The following MAST4 variants were observed in gnomAD, a reference collection of about 807,000 sequenced individuals.
The protein encoded by MAST4 is microtubule associated serine/threonine kinase family member 4.
Under a neutral mutation model 162.7 loss-of-function variants are expected in MAST4, and 89 were observed. That is an observed-to-expected ratio of 0.55 (90% CI 0.46 to 0.65). MAST4 has a LOEUF of 0.65. Ranked by LOEUF, MAST4 falls within the 30% of genes least tolerant of loss-of-function variation. The probability of loss-of-function intolerance (pLI) is 0.00; values close to 1 mark genes in which losing one functional copy is unlikely to be tolerated. For synonymous variants in MAST4, 1,479 were observed against 1,361.1 expected (o/e 1.09, Z -1.91); for missense variants, 3,153 against 3,374.0 (o/e 0.93, Z 1.62).
intron 4 of MAST4, among the ~76,000 whole-genome samples, chr5:66,919,583 C>T (rs550359791): frequency 4.0e-5 from 6 of 151,084 alleles, no homozygotes; most frequent in African/African-American, 1.5e-4. Flanking sequence ...ATCGCTTGAA[C>T]CCACGAGGCA....
chr5:67,153,534 C>G lies in MAST4; in HGVS notation c.3602C>G (p.Pro1201Arg), dbSNP rs1169322733. 1.9e-6 allele frequency: 3 copies of G among 1,599,254 alleles called. No individual in the cohort carries two copies. The highest frequency in any genetic ancestry group is 1.7e-4 in the Middle Eastern group (1 of 6,058). ...GDLITHINGE[P>R]VHGLVHTEVI... Reference sequence around the variant, plus strand: ...CTTATCACTCACATCAATGGAGAACCAGTGCATGGACTTGTCCACACAGAA... The same window carrying G: ...CTTATCACTCACATCAATGGAGAACGAGTGCATGGACTTGTCCACACAGAA... The change falls in exon 26 of 29, where the codon CCA becomes CGA. Residue 1201 changes from proline (P) to arginine (R), a missense_variant. Physicochemically the swap from Pro to Arg is moderately radical, Grantham distance 103. Transcript: ENST00000403625.
At chr5:66,714,645 A>G (rs1750703521) in intron 1 of MAST4, among the ~76,000 whole-genome samples, 1 of 152,266 alleles carries the variant, frequency 6.6e-6, no homozygotes, top group Non-Finnish European at 1.5e-5. Context: ...TCTTAAATGC[A>G]TAACTGAATA....
At chr5:66,751,736 G>T (rs1285939077) in intron 1 of MAST4, among the ~76,000 whole-genome samples, 3 of 150,618 alleles carry the variant, frequency 2.0e-5, no homozygotes, top group Non-Finnish European at 4.4e-5. Flanking sequence ...TATTATCCAG[G>T]AGAACTTCCC....
intron 4 of MAST4, among the ~76,000 whole-genome samples, chr5:66,954,337 T>C (rs867386632): frequency 6.6e-5 from 10 of 152,340 alleles, no homozygotes; most frequent in Admixed American, 3.9e-4. Flanking sequence ...TTTGAGGTCA[T>C]TGCTCTGACA....
intron 1 of MAST4, among the ~76,000 whole-genome samples, chr5:66,695,453 C>T (rs1749338644): frequency 6.6e-6 from 1 of 152,040 alleles, no homozygotes; most frequent in South Asian, 2.1e-4. Context: ...TAGCATGATC[C>T]CTCTATCTTT....
chr5:67,164,433 G>A lies in MAST4; in HGVS notation c.5254G>A (p.Ala1752Thr). The change falls in exon 29 of 29, where the codon GCC (alanine) becomes ACC (threonine). Residue 1752 changes from alanine (A) to threonine (T), a missense_variant. Transcript: ENST00000403625. This position sits in a 1 kb window ranked among gnomAD's most constrained non-coding sequence, Gnocchi z 5.3. Reference protein sequence around the residue: ...VSSTHAAQMSAVSFVPLKALT... With the variant: ...VSSTHAAQMSTVSFVPLKALT... ...CAGCACCCATGCAGCTCAGATGAGTGCCGTCTCTTTTGTTCCCCTCAAGGC... is the reference window on the plus strand; with the variant it reads ...CAGCACCCATGCAGCTCAGATGAGTACCGTCTCTTTTGTTCCCCTCAAGGC... The A allele has an allele frequency of 6.2e-7, 1 of 1,614,042 alleles. No individual in the cohort carries two copies. Among genetic ancestry groups the A allele is most frequent in the Non-Finnish European group, 8.5e-7 (1 of 1,179,900 alleles).
intron 23 of MAST4, among the ~76,000 whole-genome samples, chr5:67,147,272 A>T (rs1033738740): frequency 6.6e-6 from 1 of 152,222 alleles, no homozygotes; most frequent in Non-Finnish European, 1.5e-5. Context: ...GTAATTAGGA[A>T]GTCTGAAAAC....
intron 4 of MAST4, among the ~76,000 whole-genome samples, chr5:67,019,160 T>C (rs561781764): frequency 4.4e-4 from 66 of 149,428 alleles, no homozygotes; most frequent in Admixed American, 2.2e-3. Flanking sequence ...ACCTATAATA[T>C]ACAAGAAGAC....
At chr5:66,953,450 T>C (rs1744932847) in intron 4 of MAST4, among the ~76,000 whole-genome samples, 2 of 152,196 alleles carry the variant, frequency 1.3e-5, no homozygotes, top group African/African-American at 4.8e-5. Flanking sequence ...GTATGTAGTT[T>C]GGATCATATT....
chr5:66,922,661 A>C (rs1477638663), intron 4 of MAST4, among the ~76,000 whole-genome samples: 2 of 152,248 alleles, frequency 1.3e-5, no homozygotes, highest in East Asian at 3.8e-4. Flanking sequence ...ATTGCTTAGA[A>C]AGGGATAGGA....
At chr5:66,899,348 T>C (rs1226324740) in intron 3 of MAST4, among the ~76,000 whole-genome samples, 3 of 152,186 alleles carry the variant, frequency 2.0e-5, no homozygotes, top group South Asian at 4.1e-4. Flanking sequence ...CTAATAATTG[T>C]TGTGGTTGTC....
intron 1 of MAST4, among the ~76,000 whole-genome samples, chr5:66,625,342 A>G (rs2149413255): frequency 6.6e-6 from 1 of 152,344 alleles, no homozygotes; most frequent in Admixed American, 6.5e-5. Context: ...CACCATTTAT[A>G]AATACAATAT....
At chr5:66,727,159 T>C (rs1751574434) in intron 1 of MAST4, among the ~76,000 whole-genome samples, 1 of 152,156 alleles carries the variant, frequency 6.6e-6, no homozygotes, top group South Asian at 2.1e-4. Context: ...TTTAAACTTA[T>C]AGTGAAAAAT....
intron 4 of MAST4, among the ~76,000 whole-genome samples, chr5:66,906,170 T>G (rs1055055185): frequency 6.6e-6 from 1 of 152,218 alleles, no homozygotes; most frequent in African/African-American, 2.4e-5. Context: ...GCCTGTTTTG[T>G]CAGTCTTAAG....
intron 4 of MAST4, among the ~76,000 whole-genome samples, chr5:67,023,615 G>A (rs539563953): frequency 3.9e-5 from 6 of 152,168 alleles, no homozygotes; most frequent in East Asian, 1.9e-4. Context: ...TATGTGGATC[G>A]GAGTGAACAT....
intron 1 of MAST4, among the ~76,000 whole-genome samples, chr5:66,694,645 C>T (rs1749278315): frequency 6.6e-6 from 1 of 152,036 alleles, no homozygotes; most frequent in Admixed American, 6.6e-5. Flanking sequence ...TGCCACCATG[C>T]CCTGCTAATT....
rs144612487 is a variant in MAST4 at position 66,705,462 on chromosome 5, T to C, written c.364-54247T>C. On this transcript the variant is annotated intron_variant, in intron 1 of 28. Transcript: ENST00000403625. ...TAAAAGGAAATCTGAGCCAAATATA[T>C]AATTATACAGATGAATGTTGTGGTG... 1.6e-3 allele frequency among the ~76,000 whole-genome samples: 240 copies of C among 152,288 alleles called. 1 individual carries two copies. Among genetic ancestry groups the C allele is most frequent in the African/African-American group, 5.4e-3 (223 of 41,564 alleles).
intron 3 of MAST4, among the ~76,000 whole-genome samples, chr5:66,897,613 A>AGCC (rs1224799100): frequency 2.0e-5 from 3 of 152,188 alleles, no homozygotes; most frequent in South Asian, 2.1e-4. Context: ...TCCAGTCCTG[A>AGCC]GCCTGACATT....
intron 10 of MAST4, among the ~76,000 whole-genome samples, 168 bp from the exon 11 acceptor site, chr5:67,109,930 T>C (rs1766029534): frequency 6.6e-6 from 1 of 152,236 alleles, no homozygotes; most frequent in Non-Finnish European, 1.5e-5. Flanking sequence ...CGTTTAATAG[T>C]GTCCATTTAT....
Sources: allele counts gnomAD v4.1 joint callset (sites outside exome capture counted in the v4.1 genomes callset), GRCh38; gene constraint gnomAD v4.1.1; non-coding constraint Gnocchi (gnomAD v3.1); transcripts MANE v1.5; gene names NCBI Gene and HGNC (gene_info 2026-07-23, HGNC 2026-07-21).